The following IGF1R variants were observed in gnomAD, a reference collection of about 807,000 sequenced individuals.
IGF1R encodes the protein insulin like growth factor 1 receptor, also known as insulin-like growth factor 1 receptor.
Under a neutral mutation model 144.6 loss-of-function variants are expected in IGF1R, and 44 were observed. The observed-to-expected ratio is 0.30, with a 90% confidence interval of 0.24 to 0.39. The LOEUF is 0.39. Ranked by LOEUF, IGF1R falls within the 10% of genes least tolerant of loss-of-function variation. The pLI is 1.00. For synonymous variants in IGF1R, 795 were observed against 722.8 expected (o/e 1.10, Z -1.60); for missense variants, 1,355 against 1,833.7 (o/e 0.74, Z 4.77).
At chr15:98,917,648 C>T (rs1461369996) in intron 10 of IGF1R, among the ~76,000 whole-genome samples, 5 of 152,182 alleles carry the variant, frequency 3.3e-5, no homozygotes, top group African/African-American at 9.7e-5. Context: ...ATTATTCAGC[C>T]ATAAAAAGGG....
intron 2 of IGF1R, among the ~76,000 whole-genome samples, chr15:98,714,174 TA>T (rs11284878): frequency 0.068 from 9,969 of 145,540 alleles, 829 homozygotes; most frequent in African/African-American, 0.2. Context: ...CAGGTTGTAG[TA>T]AAAAAAAAAA....
At chr15:98,897,717 A>G (rs1037987922) in intron 4 of IGF1R, among the ~76,000 whole-genome samples, 5 of 152,230 alleles carry the variant, frequency 3.3e-5, no homozygotes, top group Non-Finnish European at 7.3e-5. Flanking sequence ...CTGGGACCAC[A>G]GGCACACACT....
chr15:98,819,219 T>C lies in IGF1R; in HGVS notation c.641-72106T>C, dbSNP rs1041586703. On this transcript the variant is annotated intron_variant, in intron 2 of 20. Transcript: ENST00000650285. ...CATTTGGCACTCATCTACTTGTAGC[T>C]TCCCTGTCGAGAAAAATGAAATCAT... Among the ~76,000 whole-genome samples the C allele has an allele frequency of 6.8e-4, 103 of 152,152 alleles. 1 individual carries two copies. Among genetic ancestry groups the C allele is most frequent in the Admixed American group, 6.5e-3 (100 of 15,282 alleles).
intron 2 of IGF1R, among the ~76,000 whole-genome samples, chr15:98,835,107 ACACCCCTACACC>A (rs1359611558): frequency 1.5e-5 from 2 of 134,220 alleles, no homozygotes; most frequent in African/African-American, 6.3e-5. Context: ...ACACACACAC[ACACCCCTACACC>A]CACACACACC....
intron 2 of IGF1R, among the ~76,000 whole-genome samples, chr15:98,787,081 T>C (rs188433013): frequency 6.6e-6 from 1 of 152,312 alleles, no homozygotes. Context: ...TAATTGGTCA[T>C]GAGACTTGGA....
At chr15:98,652,682 C>T (rs1342414685) in intron 1 of IGF1R, among the ~76,000 whole-genome samples, 2 of 152,046 alleles carry the variant, frequency 1.3e-5, no homozygotes, top group Non-Finnish European at 1.5e-5. Flanking sequence ...TCGTATGATC[C>T]GGTTTATGTG....
chr15:98,662,776 C>G (rs1228681941), intron 1 of IGF1R, among the ~76,000 whole-genome samples: 1 of 152,122 alleles, frequency 6.6e-6, no homozygotes, highest in East Asian at 1.9e-4. Flanking sequence ...AAATATTTGA[C>G]TCTCAAGATC....
intron 2 of IGF1R, among the ~76,000 whole-genome samples, chr15:98,737,386 T>C (rs1422796808): frequency 1.3e-5 from 2 of 152,274 alleles, no homozygotes; most frequent in African/African-American, 2.4e-5. Context: ...AGCGAGGATT[T>C]GGAACCCTTG....
intron 1 of IGF1R, among the ~76,000 whole-genome samples, chr15:98,683,293 G>A (rs1319042738): frequency 1.3e-5 from 2 of 152,136 alleles, no homozygotes; most frequent in African/African-American, 4.8e-5. Context: ...TTCCTCAAGT[G>A]GTCTGGCTGT....
At position 98,649,394 on chromosome 15, in the gene IGF1R, C is replaced by T. The variant is rs1260220579; in HGVS notation, c.-188C>T. 1.5e-5 allele frequency: 5 copies of T among 338,660 alleles called. No homozygotes were observed. The highest frequency in any genetic ancestry group is 6.5e-5 in the African/African-American group (3 of 46,420). The allele number at this position is 338,660 out of a possible 1,614,324, so 21.0% of individuals were successfully genotyped here. ...AGGGGCCGCCCCGCGCCGCCCGCCC[C>T]GTCCGCGCACCCGGAGGGCCCCGGC... On this transcript the variant is annotated 5_prime_UTR_variant, in exon 1 of 21. Coordinates refer to ENST00000650285, the MANE Select transcript of IGF1R (RefSeq NM_000875.5).
At chr15:98,774,045 G>A (rs2055653783) in intron 2 of IGF1R, among the ~76,000 whole-genome samples, 1 of 152,130 alleles carries the variant, frequency 6.6e-6, no homozygotes, top group Non-Finnish European at 1.5e-5. Context: ...TTTGGGATTG[G>A]TTTTTGGTTA....
intron 2 of IGF1R, among the ~76,000 whole-genome samples, chr15:98,838,781 A>G (rs191032687): frequency 1.3e-5 from 2 of 152,374 alleles, no homozygotes; most frequent in African/African-American, 2.4e-5. Flanking sequence ...GCATGAGGGA[A>G]GTAAGCAGGC....
At chr15:98,857,527 T>A (rs2011896387) in intron 2 of IGF1R, among the ~76,000 whole-genome samples, 1 of 152,142 alleles carries the variant, frequency 6.6e-6, no homozygotes, top group Non-Finnish European at 1.5e-5. Context: ...CCTACGTCTT[T>A]AAAAATAAAT....
chr15:98,796,441 A>C, intron 2 of IGF1R, among the ~76,000 whole-genome samples: 1 of 152,186 alleles, frequency 6.6e-6, no homozygotes, highest in East Asian at 1.9e-4. Context: ...AATGCTTCTG[A>C]GTCCCTGACC....
chr15:98,709,053 G>A (rs1252743124), intron 2 of IGF1R, among the ~76,000 whole-genome samples: 1 of 152,204 alleles, frequency 6.6e-6, no homozygotes, highest in Non-Finnish European at 1.5e-5. Flanking sequence ...CAATAGTTAT[G>A]TATATTGGCT....
At chr15:98,811,228 G>C (rs2056582673) in intron 2 of IGF1R, among the ~76,000 whole-genome samples, 1 of 152,016 alleles carries the variant, frequency 6.6e-6, no homozygotes, top group Non-Finnish European at 1.5e-5. Flanking sequence ...TTGAACCCAG[G>C]AGTTGGAGGT....
chr15:98,688,980 G>A (rs1444322563), intron 1 of IGF1R, among the ~76,000 whole-genome samples: 2 of 152,138 alleles, frequency 1.3e-5, no homozygotes, highest in Admixed American at 6.5e-5. Context: ...TGTGGTGGGC[G>A]ACGACTTTGG....
At chr15:98,840,289 A>G (rs1457127050) in intron 2 of IGF1R, among the ~76,000 whole-genome samples, 1 of 152,204 alleles carries the variant, frequency 6.6e-6, no homozygotes, top group African/African-American at 2.4e-5. Context: ...CACTGTTATC[A>G]AACCTGACTG....
intron 1 of IGF1R, among the ~76,000 whole-genome samples, chr15:98,683,367 C>T (rs933128886): frequency 2.6e-5 from 4 of 152,170 alleles, no homozygotes; most frequent in African/African-American, 9.7e-5. Context: ...TGATGTTCTC[C>T]AGTTCTGTGA....
Sources: allele counts gnomAD v4.1 joint callset (sites outside exome capture counted in the v4.1 genomes callset), GRCh38; gene constraint gnomAD v4.1.1; transcripts MANE v1.5; gene names NCBI Gene and HGNC (gene_info 2026-07-23, HGNC 2026-07-21).